The following ZFPM2 variants were observed in gnomAD, a reference collection of about 807,000 sequenced individuals.
ZFPM2 encodes zinc finger protein ZFPM2.
Under a neutral mutation model 98.6 loss-of-function variants are expected in ZFPM2, and 20 were observed. The observed-to-expected ratio is 0.20, with a 90% CI of 0.14 to 0.29. ZFPM2 has a LOEUF of 0.29. Ranked by LOEUF, ZFPM2 falls within the 10% of genes least tolerant of loss-of-function variation. The probability of loss-of-function intolerance (pLI) is 1.00; values close to 1 mark genes in which losing one functional copy is unlikely to be tolerated. For missense variants in ZFPM2, 1,310 were observed against 1,388.6 expected, an observed-to-expected ratio of 0.94 and a Z score of 0.90; for synonymous variants, 518 against 502.7, an observed-to-expected ratio of 1.03 and a Z score of -0.41.
chr8:105,438,691 A>G (rs1812174588), intron 2 of ZFPM2, among the ~76,000 whole-genome samples: 1 of 152,198 alleles, frequency 6.6e-6, no homozygotes, highest in Non-Finnish European at 1.5e-5. Context: ...AAAAGACCCG[A>G]AGTCTGATAC....
chr8:105,330,636 A>T (rs1812215316), intron 1 of ZFPM2, among the ~76,000 whole-genome samples: 2 of 99,640 alleles, frequency 2.0e-5, no homozygotes, highest in African/African-American at 8.0e-5. Context: ...ATATATACAT[A>T]TATATATATA....
intron 1 of ZFPM2, among the ~76,000 whole-genome samples, chr8:105,405,975 A>T (rs1472966271): frequency 6.6e-6 from 1 of 152,028 alleles, no homozygotes; most frequent in Non-Finnish European, 1.5e-5. Flanking sequence ...CGCCATTCTG[A>T]CTGGTGTGAG....
rs150761781 is a variant in ZFPM2 at position 105,634,844 on chromosome 8, A to G, written c.532+487A>G. On this transcript the variant is annotated intron_variant, in intron 5 of 7. Transcript: ENST00000407775. ...CTTTGCAAAGACAGAATTCTTCCCC[A>G]TGGTGATTTCTGAAGGGCAGGAGGC... Among the ~76,000 whole-genome samples, 1,480 of 152,278 alleles carry G rather than the reference A, an allele frequency of 9.7e-3. 14 individuals carry two copies. Among genetic ancestry groups the G allele is most frequent in the Non-Finnish European group, 0.016 (1,111 of 68,026 alleles).
intron 5 of ZFPM2, among the ~76,000 whole-genome samples, chr8:105,651,183 A>G (rs1817165426): frequency 6.6e-6 from 1 of 151,752 alleles, no homozygotes. Flanking sequence ...TTTTCTCCTC[A>G]TTTATGTATT....
intron 5 of ZFPM2, among the ~76,000 whole-genome samples, chr8:105,673,502 G>A (rs1817636198): frequency 6.6e-6 from 1 of 151,960 alleles, no homozygotes. Flanking sequence ...CTTTCTGGGA[G>A]AACACATTAT....
intron 1 of ZFPM2, among the ~76,000 whole-genome samples, chr8:105,386,303 A>AT (rs201370491): frequency 1.3e-5 from 2 of 151,940 alleles, no homozygotes; most frequent in Non-Finnish European, 2.9e-5. Flanking sequence ...ATACATTTTT[A>AT]ATTTTTTTAC....
chr8:105,721,422 C>T (rs1199699795), intron 5 of ZFPM2, among the ~76,000 whole-genome samples: 2 of 151,934 alleles, frequency 1.3e-5, no homozygotes, highest in Non-Finnish European at 2.9e-5. Flanking sequence ...TGTAGCCTTC[C>T]ATATTTATAA....
chr8:105,600,649 T>G (rs1008208792), intron 4 of ZFPM2, among the ~76,000 whole-genome samples: 8 of 152,054 alleles, frequency 5.3e-5, no homozygotes, highest in African/African-American at 1.7e-4. Flanking sequence ...TCATTTTTTA[T>G]TTTTTTAAAA....
At chr8:105,493,049 C>A (rs1477599930) in intron 3 of ZFPM2, among the ~76,000 whole-genome samples, 2 of 152,166 alleles carry the variant, frequency 1.3e-5, no homozygotes, top group African/African-American at 4.8e-5. Context: ...ACTGTGGAAG[C>A]AGCATTTATA....
At chr8:105,389,209 A>G (rs186799423) in intron 1 of ZFPM2, among the ~76,000 whole-genome samples, 43 of 152,298 alleles carry the variant, frequency 2.8e-4, no homozygotes, top group African/African-American at 9.9e-4. Context: ...AGACATGTCT[A>G]GTAAACAGAT....
At chr8:105,585,176 T>C (rs550451917) in intron 4 of ZFPM2, among the ~76,000 whole-genome samples, 1 of 152,314 alleles carries the variant, frequency 6.6e-6, no homozygotes, top group South Asian at 2.1e-4. Flanking sequence ...AAAAAGACCT[T>C]AGTGTTCCCT....
At chr8:105,645,690 G>T (rs1817028606) in intron 5 of ZFPM2, among the ~76,000 whole-genome samples, 3 of 152,140 alleles carry the variant, frequency 2.0e-5, no homozygotes, top group Admixed American at 1.3e-4. Flanking sequence ...TTGAGGGTGG[G>T]AAGAATAAGA....
intron 5 of ZFPM2, among the ~76,000 whole-genome samples, chr8:105,684,661 A>G (rs1458663780): frequency 6.6e-6 from 1 of 152,046 alleles, no homozygotes; most frequent in Non-Finnish European, 1.5e-5. Context: ...CAAATAATGA[A>G]ATGAGGAGTA....
intron 1 of ZFPM2, among the ~76,000 whole-genome samples, chr8:105,347,930 G>T (rs942383389): frequency 3.9e-5 from 6 of 152,100 alleles, no homozygotes; most frequent in Non-Finnish European, 7.4e-5. Flanking sequence ...GGCTTTAAAG[G>T]TTGTGTTGAA....
chr8:105,760,550 T>A (rs1370319589), intron 5 of ZFPM2, among the ~76,000 whole-genome samples: 1 of 152,144 alleles, frequency 6.6e-6, no homozygotes, highest in East Asian at 1.9e-4. Flanking sequence ...TTCAAAAAAA[T>A]TATGCAGGAA....
chr8:105,376,610 CA>C (rs1810728729), intron 1 of ZFPM2, among the ~76,000 whole-genome samples: 1 of 152,152 alleles, frequency 6.6e-6, no homozygotes, highest in African/African-American at 2.4e-5. Flanking sequence ...TCATCTCAGC[CA>C]ATTTCATCAA....
chr8:105,667,894 A>G (rs565252999), intron 5 of ZFPM2, among the ~76,000 whole-genome samples: 5 of 152,322 alleles, frequency 3.3e-5, no homozygotes, highest in South Asian at 2.1e-4. Flanking sequence ...TTTGATTTCT[A>G]TTGTGATACA....
At chr8:105,776,857 C>A (rs1228662599) in intron 5 of ZFPM2, among the ~76,000 whole-genome samples, 3 of 152,138 alleles carry the variant, frequency 2.0e-5, no homozygotes, top group African/African-American at 7.2e-5. Flanking sequence ...AAAATATTGA[C>A]ATAATACAGA....
At chr8:105,330,603 T>TATAC (rs1812207324) in intron 1 of ZFPM2, among the ~76,000 whole-genome samples, 2 of 33,812 alleles carry the variant, frequency 5.9e-5, no homozygotes, top group African/African-American at 1.5e-4. Flanking sequence ...TACATATATA[T>TATAC]ATATATACAC....
Sources: gnomAD v4.1 joint callset for allele counts (sites outside exome capture counted in the v4.1 genomes callset) on GRCh38, gnomAD v4.1.1 for gene constraint, MANE v1.5 for transcripts, NCBI Gene and HGNC (gene_info 2026-07-23, HGNC 2026-07-21) for gene names.